The following ZBTB16 variants were observed in gnomAD, a reference collection of about 807,000 sequenced individuals.
ZBTB16 encodes the protein zinc finger and BTB domain-containing protein 16.
ZBTB16 carries 8 observed loss-of-function variants against 56.8 expected under a neutral mutation model. The ratio of observed to expected loss-of-function variants is 0.14; its 90% confidence interval spans 0.08 to 0.25. The LOEUF (loss-of-function observed/expected upper bound fraction) is 0.25. Among genes scored for constraint, ZBTB16 ranks in the 10% least tolerant of loss-of-function variants. ZBTB16 has a pLI of 1.00. For missense variants in ZBTB16, 625 were observed against 903.0 expected (o/e 0.69, Z 3.95); for synonymous variants, 363 against 368.5 (o/e 0.98, Z 0.17).
intron 2 of ZBTB16, among the ~76,000 whole-genome samples, chr11:114,095,974 T>C (rs1447481578): frequency 6.6e-6 from 1 of 152,204 alleles, no homozygotes; most frequent in Non-Finnish European, 1.5e-5. Flanking sequence ...TAGTGTCCTT[T>C]ACACAAAATT....
intron 2 of ZBTB16, among the ~76,000 whole-genome samples, chr11:114,135,861 G>T (rs1036535482): frequency 6.6e-6 from 1 of 152,212 alleles, no homozygotes; most frequent in Non-Finnish European, 1.5e-5. Context: ...ACTTGCAGAA[G>T]TCCTTTTTTA....
At chr11:114,156,309 G>A in intron 2 of ZBTB16, 28 bp from the exon 3 acceptor site, 1 of 1,612,578 alleles carries the variant, frequency 6.2e-7, no homozygotes, top group Non-Finnish European at 8.5e-7. Context: ...CAGAGCAGCA[G>A]CAACCTCTCT....
At chr11:114,197,787 G>A (rs1410800561) in intron 4 of ZBTB16, among the ~76,000 whole-genome samples, 3 of 152,076 alleles carry the variant, frequency 2.0e-5, no homozygotes, top group East Asian at 1.9e-4. Flanking sequence ...GAAGGCAGAG[G>A]ATTTAAAAGG....
At chr11:114,219,212 T>G (rs913680391) in intron 4 of ZBTB16, among the ~76,000 whole-genome samples, 22 of 152,146 alleles carry the variant, frequency 1.4e-4, no homozygotes, top group African/African-American at 5.3e-4. Context: ...TTGAAGATTA[T>G]TACATCCCCA....
intron 4 of ZBTB16, among the ~76,000 whole-genome samples, chr11:114,202,208 C>G (rs1943751883): frequency 6.6e-6 from 1 of 152,188 alleles, no homozygotes; most frequent in Non-Finnish European, 1.5e-5. Context: ...GGACTGAGGT[C>G]ACACCTGGAG....
At chr11:114,139,051 C>T (rs1406261035) in intron 2 of ZBTB16, among the ~76,000 whole-genome samples, 1 of 152,104 alleles carries the variant, frequency 6.6e-6, no homozygotes, top group African/African-American at 2.4e-5. Flanking sequence ...CTCTCTCAGC[C>T]CAGTTTTCTA....
chr11:114,251,999 C>G lies in ZBTB16; in HGVS notation c.*1444C>G. On this transcript the variant is annotated 3_prime_UTR_variant, in exon 7 of 7. Transcript: ENST00000335953. ...AATTAATAGTTGTTTTTATAGACTT[C>G]AGCTGGTCAAGACCCTCCCCGTGCC... Among the ~76,000 whole-genome samples the G allele has an allele frequency of 6.6e-6, 1 of 152,092 alleles. No individual in the cohort carries two copies. Among genetic ancestry groups the G allele is most frequent in the East Asian group, 1.9e-4 (1 of 5,182 alleles).
chr11:114,204,176 C>T (rs1199442761), intron 4 of ZBTB16, among the ~76,000 whole-genome samples: 5 of 147,048 alleles, frequency 3.4e-5, no homozygotes, highest in African/African-American at 1.3e-4. Flanking sequence ...TTTTCTGAGA[C>T]ACAGTCTTGC....
chr11:114,193,308 A>G (rs1943540525), intron 4 of ZBTB16, among the ~76,000 whole-genome samples: 1 of 152,172 alleles, frequency 6.6e-6, no homozygotes, highest in African/African-American at 2.4e-5. Flanking sequence ...ATTAGGGGTG[A>G]GAGACCAAGG....
In ZBTB16 at chr11:114,252,942, A is replaced by G. The variant is rs868741228; in HGVS notation, c.*2387A>G. Among the ~76,000 whole-genome samples the G allele has an allele frequency of 6.6e-6, 1 of 152,220 alleles. No homozygotes were observed. Among genetic ancestry groups the G allele is most frequent in the Admixed American group, 6.5e-5 (1 of 15,284 alleles). Reference sequence around the variant, plus strand: ...GTAGGGAGGATGCTATTTTGCAACTATAGTAACGACTTAGTGTTTTGGAAA... The same window carrying G: ...GTAGGGAGGATGCTATTTTGCAACTGTAGTAACGACTTAGTGTTTTGGAAA... On this transcript the variant is annotated 3_prime_UTR_variant, in exon 7 of 7. Transcript: ENST00000335953.
intron 4 of ZBTB16, among the ~76,000 whole-genome samples, chr11:114,232,705 C>T (rs1944465298): frequency 1.4e-5 from 2 of 140,570 alleles, no homozygotes; most frequent in South Asian, 2.2e-4. Context: ...GAAGTTGGTC[C>T]GATTTTTCAA....
At chr11:114,121,717 C>T (rs1941352578) in intron 2 of ZBTB16, 2 of 429,150 alleles carry the variant, frequency 4.7e-6, no homozygotes, top group African/African-American at 2.0e-5. Context: ...GAAATCATGA[C>T]TGTCTGATCC....
Position 114,155,114 on chromosome 11 carries a change from A to G in ZBTB16, c.1269-1223A>G, listed in dbSNP as rs558330841. On this transcript the variant is annotated intron_variant, in intron 2 of 6. Coordinates refer to ENST00000335953, the MANE Select transcript of ZBTB16 (RefSeq NM_006006.6). ...AGTACCAGCTCTCCAGCCTTTTACT[A>G]TGGTCTTAACACATCAACATTTTGA... Among the ~76,000 whole-genome samples, 8 of 152,268 alleles carry G rather than the reference A, an allele frequency of 5.3e-5. No individual in the cohort carries two copies. In the East Asian group the frequency reaches 1.2e-3, roughly 22 times the overall value.
At chr11:114,184,919 C>A (rs114550830) in intron 3 of ZBTB16, among the ~76,000 whole-genome samples, 1,782 of 152,202 alleles carry the variant, frequency 0.012, 35 homozygotes, top group African/African-American at 0.04. Flanking sequence ...CACCTGGAAT[C>A]CCCCAGCACT....
In ZBTB16 at chr11:114,244,885, G is replaced by T. The variant is rs1369350534; in HGVS notation, c.1625-2313G>T. ...GCCGCCTTCACCCCCACCCGGCTGGGTGGCTGCCGATGTACGTTTTAATTA... is the reference window on the plus strand; with the variant it reads ...GCCGCCTTCACCCCCACCCGGCTGGTTGGCTGCCGATGTACGTTTTAATTA... On this transcript the variant is annotated intron_variant, in intron 5 of 6. Coordinates refer to ENST00000335953, the MANE Select transcript of ZBTB16 (RefSeq NM_006006.6). Among the ~76,000 whole-genome samples, 5 of 152,274 alleles carry T rather than the reference G, an allele frequency of 3.3e-5. No homozygotes were observed. The South Asian group carries it at 1.0e-3, about 32-fold the overall frequency.
chr11:114,219,693 C>A (rs981822991), intron 4 of ZBTB16, among the ~76,000 whole-genome samples: 9 of 151,708 alleles, frequency 5.9e-5, no homozygotes, highest in Non-Finnish European at 1.2e-4. Flanking sequence ...AGTCAGAGGA[C>A]AATTTAAGAC....
chr11:114,217,383 G>T (rs1160419389), intron 4 of ZBTB16, among the ~76,000 whole-genome samples: 2 of 152,158 alleles, frequency 1.3e-5, no homozygotes, highest in Non-Finnish European at 2.9e-5. Flanking sequence ...CCTGATGAGG[G>T]ATGCTTACAT....
chr11:114,121,952 C>T (rs1339282764), intron 2 of ZBTB16: 3 of 402,256 alleles, frequency 7.5e-6, no homozygotes, highest in Non-Finnish European at 1.5e-5. Context: ...TCCTCTAAGA[C>T]ACTTCCTGAG....
At chr11:114,140,255 C>G (rs931858660) in intron 2 of ZBTB16, among the ~76,000 whole-genome samples, 11 of 152,170 alleles carry the variant, frequency 7.2e-5, no homozygotes, top group Non-Finnish European at 1.3e-4. Context: ...CATGAGCCCC[C>G]CTCCTTGGGG....
Sources: gnomAD v4.1 joint callset for allele counts (sites outside exome capture counted in the v4.1 genomes callset) on GRCh38, gnomAD v4.1.1 for gene constraint, MANE v1.5 for transcripts, NCBI Gene and HGNC (gene_info 2026-07-23, HGNC 2026-07-21) for gene names.